The following NEK1 variants were observed in gnomAD, a reference collection of about 807,000 sequenced individuals.
NEK1 encodes serine/threonine-protein kinase Nek1.
NEK1 carries 137 observed loss-of-function variants against 182.1 expected under a neutral mutation model. The observed-to-expected ratio is 0.75, with a 90% confidence interval of 0.65 to 0.87. NEK1 has a LOEUF of 0.87. Ranked by LOEUF, NEK1 falls within the 40% of genes least tolerant of loss-of-function variation. The pLI is 0.00. For synonymous variants in NEK1, 513 were observed against 492.2 expected (o/e 1.04, Z -0.56); for missense variants, 1,391 against 1,494.4 (o/e 0.93, Z 1.14).
chr4:169,513,112 C>T (rs1754456212), intron 19 of NEK1, among the ~76,000 whole-genome samples: 1 of 151,986 alleles, frequency 6.6e-6, no homozygotes, highest in African/African-American at 2.4e-5. Flanking sequence ...TTAAAATAAG[C>T]CTGTCTATAT....
intron 2 of NEK1, among the ~76,000 whole-genome samples, chr4:169,605,621 T>C (rs758909747): frequency 3.3e-5 from 5 of 152,222 alleles, no homozygotes; most frequent in African/African-American, 7.2e-5. Context: ...AATTGTACTA[T>C]AGGCTTCCAC....
At chr4:169,577,627 G>A (rs540347832) in intron 11 of NEK1, among the ~76,000 whole-genome samples, 2 of 152,084 alleles carry the variant, frequency 1.3e-5, no homozygotes, top group Admixed American at 6.6e-5. Context: ...GGTGGTGGGC[G>A]CCTGTAGTCC....
At position 169,424,656 on chromosome 4, in the gene NEK1, G is replaced by T; in HGVS notation, c.3119C>A (p.Ser1040Tyr). 2 of 1,613,746 alleles carry T rather than the reference G, an allele frequency of 1.2e-6. No individual in the cohort carries two copies. Among genetic ancestry groups the T allele is most frequent in the Admixed American group, 3.3e-5 (2 of 60,012 alleles). Residue 1040 changes from serine (S) to tyrosine (Y), a missense_variant, in exon 31 of 36, where the codon TCC (serine) becomes TAC (tyrosine). Physicochemically the swap from Ser to Tyr is moderately radical, Grantham distance 144 (BLOSUM62 -2). Coordinates refer to ENST00000507142, the MANE Select transcript of NEK1 (RefSeq NM_001199397.3). ...VQSVQCSPEESFAFRSHSHLP... is the reference protein window; with the variant it reads ...VQSVQCSPEEYFAFRSHSHLP... The stretch of plus-strand genomic sequence containing the variant: ...ATGCGAGTGAGATCGAAATGCAAAG[G>T]ATTCTTCTGGTGAACACTGAACTGA...
At chr4:169,550,173 A>G (rs1190277124) in intron 18 of NEK1, among the ~76,000 whole-genome samples, 1 of 152,102 alleles carries the variant, frequency 6.6e-6, no homozygotes, top group Non-Finnish European at 1.5e-5. Flanking sequence ...GTGACAGTGA[A>G]TAAGTCTCAC....
intron 23 of NEK1, among the ~76,000 whole-genome samples, chr4:169,500,128 G>A (rs562596095): frequency 5.9e-5 from 9 of 152,268 alleles, no homozygotes; most frequent in South Asian, 2.1e-4. Flanking sequence ...CCTCGCTGCC[G>A]CCTTGCAGTT....
intron 27 of NEK1, among the ~76,000 whole-genome samples, chr4:169,451,913 A>C (rs1430806841): frequency 6.6e-6 from 1 of 152,214 alleles, no homozygotes; most frequent in Non-Finnish European, 1.5e-5. Flanking sequence ...GAAAAGACAG[A>C]AGAATCAAAT....
intron 23 of NEK1, among the ~76,000 whole-genome samples, chr4:169,496,248 G>A (rs1751252892): frequency 6.6e-6 from 1 of 152,056 alleles, no homozygotes; most frequent in Non-Finnish European, 1.5e-5. Flanking sequence ...TTTGCACATT[G>A]ATTTTGTATC....
intron 28 of NEK1, among the ~76,000 whole-genome samples, chr4:169,437,293 C>T (rs1738591164): frequency 6.6e-6 from 1 of 152,008 alleles, no homozygotes; most frequent in Admixed American, 6.6e-5. Context: ...TGAGAAAACC[C>T]ATCTGCACGG....
chr4:169,486,860 C>G, intron 23 of NEK1, among the ~76,000 whole-genome samples: 1 of 152,190 alleles, frequency 6.6e-6, no homozygotes, highest in East Asian at 1.9e-4. Flanking sequence ...CTAACCAAGA[C>G]AGAATCTCCC....
chr4:169,511,224 C>CA (rs1339774326), intron 19 of NEK1, among the ~76,000 whole-genome samples: 3 of 152,122 alleles, frequency 2.0e-5, no homozygotes, highest in Admixed American at 1.3e-4. Flanking sequence ...TTTACTCACT[C>CA]AGTTTCCTCC....
At chr4:169,427,050 T>A (rs1579515801) in intron 29 of NEK1, among the ~76,000 whole-genome samples, 4 of 152,180 alleles carry the variant, frequency 2.6e-5, no homozygotes, top group Admixed American at 2.0e-4. Context: ...GTAATTTATC[T>A]CTGGGAGTTA....
intron 5 of NEK1, 28 bp downstream of exon 5, chr4:169,599,072 A>G: frequency 6.5e-7 from 1 of 1,541,258 alleles, no homozygotes; most frequent in Middle Eastern, 1.7e-4. Context: ...TAATAGAGTA[A>G]GAGTCAATTT....
chr4:169,401,910 C>G, intron 32 of NEK1, 50 bp from the exon 33 acceptor site: 1 of 1,461,992 alleles, frequency 6.8e-7, no homozygotes, highest in Non-Finnish European at 9.3e-7. Context: ...TGAAATTTAC[C>G]AAGTTAAACA....
chr4:169,498,035 G>C (rs1270361004), intron 23 of NEK1, among the ~76,000 whole-genome samples: 3 of 152,160 alleles, frequency 2.0e-5, no homozygotes, highest in Non-Finnish European at 2.9e-5. Flanking sequence ...TATTGTGTGG[G>C]AGTCTAAGTC....
At chr4:169,490,473 G>C (rs978441984) in intron 23 of NEK1, among the ~76,000 whole-genome samples, 4 of 152,044 alleles carry the variant, frequency 2.6e-5, no homozygotes, top group African/African-American at 7.2e-5. Context: ...TCCAGATAAT[G>C]ACCCCAAAGA....
chr4:169,473,477 T>G (rs1165341647), intron 26 of NEK1, among the ~76,000 whole-genome samples: 2 of 152,136 alleles, frequency 1.3e-5, no homozygotes, highest in African/African-American at 4.8e-5. Context: ...ATCCTCACCA[T>G]AATGCAATAT....
chr4:169,596,591 G>C (rs1260026458), intron 5 of NEK1, among the ~76,000 whole-genome samples: 1 of 152,152 alleles, frequency 6.6e-6, no homozygotes, highest in Non-Finnish European at 1.5e-5. Flanking sequence ...TTTTTGTCCA[G>C]TAAAGATGCA....
chr4:169,489,365 C>T (rs569472772), intron 23 of NEK1, among the ~76,000 whole-genome samples: 6 of 152,220 alleles, frequency 3.9e-5, no homozygotes, highest in Non-Finnish European at 8.8e-5. Flanking sequence ...ATGCCTAATG[C>T]TCTACCCTCT....
At chr4:169,565,792 G>A (rs1462308463) in intron 12 of NEK1, among the ~76,000 whole-genome samples, 3 of 152,146 alleles carry the variant, frequency 2.0e-5, no homozygotes. Flanking sequence ...GCTGCCTAGG[G>A]CTGCGGGGTT....
Sources: allele counts gnomAD v4.1 joint callset (sites outside exome capture counted in the v4.1 genomes callset), GRCh38; gene constraint gnomAD v4.1.1; transcripts MANE v1.5; gene names NCBI Gene and HGNC (gene_info 2026-07-23, HGNC 2026-07-21).